The following CLMP variants were observed in gnomAD, a reference collection of about 807,000 sequenced individuals.
The protein encoded by CLMP is CXADR like cell adhesion molecule, also known as CXADR-like membrane protein.
Under a neutral mutation model 45.2 loss-of-function variants are expected in CLMP, and 27 were observed. The observed-to-expected ratio is 0.60, with a 90% confidence interval of 0.44 to 0.82. The LOEUF is 0.82. Among genes scored for constraint, CLMP ranks in the 40% least tolerant of loss-of-function variants. CLMP has a pLI of 0.00. For synonymous variants in CLMP, 167 were observed against 171.4 expected, an observed-to-expected ratio of 0.97 and a Z score of 0.20; for missense variants, 403 against 448.4, an observed-to-expected ratio of 0.90 and a Z score of 0.91.
intron 1 of CLMP, among the ~76,000 whole-genome samples, chr11:123,161,800 C>G (rs1003176515): frequency 6.6e-6 from 1 of 152,220 alleles, no homozygotes; most frequent in Non-Finnish European, 1.5e-5. Flanking sequence ...ATCATCTGGT[C>G]ACGTATTACA....
intron 1 of CLMP, among the ~76,000 whole-genome samples, chr11:123,127,575 T>C (rs1171808294): frequency 2.0e-5 from 3 of 152,160 alleles, no homozygotes; most frequent in African/African-American, 7.2e-5. Flanking sequence ...CCCAAACTCT[T>C]TGAGAAAATA....
At chr11:123,178,022 T>A (rs1861721464) in intron 1 of CLMP, among the ~76,000 whole-genome samples, 1 of 151,974 alleles carries the variant, frequency 6.6e-6, no homozygotes, top group South Asian at 2.1e-4. Context: ...GCCACTATGC[T>A]GGGCTAATTT....
At chr11:123,111,949 A>T (rs1220639243) in intron 1 of CLMP, among the ~76,000 whole-genome samples, 3 of 152,168 alleles carry the variant, frequency 2.0e-5, no homozygotes, top group Admixed American at 2.0e-4. Flanking sequence ...ACGGTATTTC[A>T]CCATGTTGGC....
intron 2 of CLMP, 96 bp from the exon 3 acceptor site, chr11:123,084,809 C>A: frequency 9.8e-7 from 1 of 1,024,000 alleles, no homozygotes; most frequent in Non-Finnish European, 1.5e-6. Context: ...CCCAGTGGCA[C>A]AAAGTAGTCA....
At chr11:123,114,424 TTCCCTCCCTCCC>T (rs1286745418) in intron 1 of CLMP, among the ~76,000 whole-genome samples, 2 of 124,860 alleles carry the variant, frequency 1.6e-5, no homozygotes, top group Non-Finnish European at 3.4e-5. Flanking sequence ...TGCATTTTCT[TTCCCTCCCTCCC>T]TCCCTCCCTC....
intron 2 of CLMP, among the ~76,000 whole-genome samples, chr11:123,095,361 C>G (rs1468479439): frequency 6.6e-6 from 1 of 151,856 alleles, no homozygotes; most frequent in Non-Finnish European, 1.5e-5. Context: ...GGCTCGATCT[C>G]AGCTCCAAGC....
chr11:123,138,038 C>T (rs1197492522), intron 1 of CLMP, among the ~76,000 whole-genome samples: 1 of 151,938 alleles, frequency 6.6e-6, no homozygotes, highest in African/African-American at 2.4e-5. Flanking sequence ...CCCTCAGGGC[C>T]CGGGGCTGCC....
In CLMP at chr11:123,122,104, A is replaced by G. The variant is rs1433898230; in HGVS notation, c.29-24152T>C. Among the ~76,000 whole-genome samples, 3 of 152,180 alleles carry G rather than the reference A, an allele frequency of 2.0e-5. No homozygotes were observed. The East Asian group carries it at 5.8e-4, about 29-fold the overall frequency. On this transcript the variant is annotated intron_variant, in intron 1 of 6. Coordinates refer to ENST00000448775, the MANE Select transcript of CLMP (RefSeq NM_024769.5). ...AAAATACATGTGTTCAATCTACCAC[A>G]TTACCTAAAATATCCGTAAGTGATT...
chr11:123,141,818 T>G (rs901376110), intron 1 of CLMP, among the ~76,000 whole-genome samples: 3 of 152,146 alleles, frequency 2.0e-5, no homozygotes, highest in African/African-American at 7.2e-5. Context: ...ACTTGCAGTG[T>G]GCATATCTCG....
chr11:123,106,602 C>T (rs916143551), intron 1 of CLMP, among the ~76,000 whole-genome samples: 3 of 151,882 alleles, frequency 2.0e-5, no homozygotes, highest in Admixed American at 6.6e-5. Flanking sequence ...TTTACTTTTC[C>T]GTAAAAGGAA....
intron 1 of CLMP, among the ~76,000 whole-genome samples, chr11:123,125,241 A>G (rs187018900): frequency 6.0e-4 from 92 of 152,150 alleles, no homozygotes; most frequent in African/African-American, 2.2e-3. Context: ...AAGAAATGCA[A>G]TTTGTTCTGG....
At chr11:123,160,100 G>A (rs1342649974) in intron 1 of CLMP, among the ~76,000 whole-genome samples, 2 of 151,828 alleles carry the variant, frequency 1.3e-5, no homozygotes, top group African/African-American at 4.8e-5. Flanking sequence ...TCAACATGGT[G>A]AAACCCTGTC....
intron 1 of CLMP, among the ~76,000 whole-genome samples, chr11:123,191,935 A>G (rs1413008774): frequency 6.6e-6 from 1 of 152,214 alleles, no homozygotes. Context: ...GAGGAAGGCT[A>G]TTGGGATTCA....
At chr11:123,140,127 C>T (rs906901104) in intron 1 of CLMP, among the ~76,000 whole-genome samples, 3 of 152,246 alleles carry the variant, frequency 2.0e-5, no homozygotes, top group East Asian at 3.9e-4. Flanking sequence ...AGGGATGGAT[C>T]GTAAAGTTGC....
chr11:123,169,369 G>GT (rs1043633826), intron 1 of CLMP, among the ~76,000 whole-genome samples: 13 of 152,286 alleles, frequency 8.5e-5, no homozygotes, highest in African/African-American at 2.9e-4. Context: ...GCAGATCTGG[G>GT]TTTTTTTAGC....
At chr11:123,166,409 G>A (rs1452326827) in intron 1 of CLMP, among the ~76,000 whole-genome samples, 2 of 152,228 alleles carry the variant, frequency 1.3e-5, no homozygotes, top group Admixed American at 1.3e-4. Flanking sequence ...TCAGCCTGAC[G>A]GCTTCAATAG....
chr11:123,163,303 T>C (rs1421589705), intron 1 of CLMP, among the ~76,000 whole-genome samples: 3 of 152,122 alleles, frequency 2.0e-5, no homozygotes, highest in African/African-American at 7.2e-5. Context: ...CAGCTAGGAA[T>C]TAACATGGGG....
intron 1 of CLMP, among the ~76,000 whole-genome samples, chr11:123,112,891 A>G (rs1219898670): frequency 2.0e-5 from 3 of 148,970 alleles, no homozygotes; most frequent in African/African-American, 7.5e-5. Flanking sequence ...CTCCTGCCTC[A>G]GCCTCCTGCA....
chr11:123,145,213 C>T (rs1483029418), intron 1 of CLMP, among the ~76,000 whole-genome samples: 1 of 151,922 alleles, frequency 6.6e-6, no homozygotes, highest in Non-Finnish European at 1.5e-5. Context: ...CATGGGGGCT[C>T]ACATTCTATT....
Sources: gnomAD v4.1 joint callset for allele counts (sites outside exome capture counted in the v4.1 genomes callset) on GRCh38, gnomAD v4.1.1 for gene constraint, MANE v1.5 for transcripts, NCBI Gene and HGNC (gene_info 2026-07-23, HGNC 2026-07-21) for gene names.